ATXN1: variants seen among roughly 807,000 people sequenced by gnomAD.
ATXN1 encodes ataxin 1.
ATXN1 carries 8 observed loss-of-function variants against 56.4 expected under a neutral mutation model. That is an observed-to-expected ratio of 0.14 (90% CI 0.08 to 0.26). The LOEUF (loss-of-function observed/expected upper bound fraction) is 0.26. ATXN1 is among the 10% of genes least tolerant of loss of function. The pLI, the probability that ATXN1 is intolerant of heterozygous loss-of-function variation, is 1.00. For missense variants in ATXN1, 987 were observed against 1,106.5 expected (o/e 0.89, Z 1.53); for synonymous variants, 514 against 494.6 (o/e 1.04, Z -0.52).
At chr6:16,388,171 T>A (rs1257645922) in intron 6 of ATXN1, among the ~76,000 whole-genome samples, 3 of 152,202 alleles carry the variant, frequency 2.0e-5, no homozygotes, top group Non-Finnish European at 4.4e-5. Context: ...GACAGTCTCT[T>A]AACCAAAGAA....
chr6:16,596,001 T>C (rs1313541112), intron 3 of ATXN1, among the ~76,000 whole-genome samples: 1 of 151,660 alleles, frequency 6.6e-6, no homozygotes, highest in Non-Finnish European at 1.5e-5. Flanking sequence ...CCCGTTATTT[T>C]GTTTTTTTAT....
intron 6 of ATXN1, chr6:16,485,534 C>G (rs2113655404): frequency 6.6e-6 from 1 of 152,272 alleles, no homozygotes; most frequent in East Asian, 1.9e-4. Flanking sequence ...ATCAACTGCA[C>G]ATACAGAAGA....
intron 2 of ATXN1, among the ~76,000 whole-genome samples, chr6:16,722,610 G>A (rs760549293): frequency 1.3e-5 from 2 of 151,990 alleles, no homozygotes; most frequent in East Asian, 1.9e-4. Context: ...AGTAAATAAC[G>A]ATAATAAAAA....
Position 16,713,079 on chromosome 6 carries a change from C to T in ATXN1, c.-615+40154G>A, listed in dbSNP as rs562414473. Among the ~76,000 whole-genome samples, 95 of 152,322 alleles carry T rather than the reference C, an allele frequency of 6.2e-4. 2 individuals carry two copies. The South Asian group carries it at 0.018, about 30-fold the overall frequency. ...TAATGCCAACTCTTCCTCTCTGAGT[C>T]ATCCCTTCCAGTGAAAGAATCGCTA... On this transcript the variant is annotated intron_variant, in intron 2 of 7. Coordinates refer to ENST00000436367, the MANE Select transcript of ATXN1 (RefSeq NM_001128164.2).
intron 4 of ATXN1, among the ~76,000 whole-genome samples, chr6:16,561,056 A>G (rs562807680): frequency 6.6e-6 from 1 of 152,328 alleles, no homozygotes; most frequent in Middle Eastern, 3.4e-3. Context: ...AAACTATTGA[A>G]AAATAAAATA....
chr6:16,470,668 A>G (rs1300964559), intron 6 of ATXN1, among the ~76,000 whole-genome samples: 1 of 152,064 alleles, frequency 6.6e-6, no homozygotes, highest in Non-Finnish European at 1.5e-5. Context: ...CTGTTTGAAA[A>G]ATGACACCCA....
intron 6 of ATXN1, among the ~76,000 whole-genome samples, chr6:16,371,416 T>C (rs1231742990): frequency 6.6e-6 from 1 of 152,168 alleles, no homozygotes; most frequent in African/African-American, 2.4e-5. Context: ...TTAGGATCTT[T>C]ACAGGTTTTA....
At chr6:16,602,709 C>T (rs1762934399) in intron 3 of ATXN1, among the ~76,000 whole-genome samples, 2 of 152,166 alleles carry the variant, frequency 1.3e-5, no homozygotes, top group African/African-American at 4.8e-5. Flanking sequence ...TTCGGCCTCC[C>T]AAAGTGCTGA....
intron 2 of ATXN1, among the ~76,000 whole-genome samples, chr6:16,683,564 G>A (rs746182950): frequency 6.6e-6 from 1 of 152,156 alleles, no homozygotes; most frequent in African/African-American, 2.4e-5. Flanking sequence ...CCCTATTCTG[G>A]AGATCACATT....
intron 4 of ATXN1, among the ~76,000 whole-genome samples, chr6:16,556,660 G>A (rs1165438467): frequency 1.3e-5 from 2 of 152,140 alleles, no homozygotes; most frequent in African/African-American, 4.8e-5. Context: ...CCAAAGGCAG[G>A]CTCACTGTTA....
chr6:16,411,142 A>AAG (rs1561885759), intron 6 of ATXN1, among the ~76,000 whole-genome samples: 3 of 150,238 alleles, frequency 2.0e-5, no homozygotes, highest in Non-Finnish European at 3.0e-5. Context: ...AAAAAAAAAA[A>AAG]AAAGAAAAGA....
chr6:16,368,089 G>A lies in ATXN1; in HGVS notation c.-160-39619C>T, dbSNP rs549531089. Reference sequence around the variant, plus strand: ...GGAGCCTGAGGCAGGACAATTGCTCGAACCCAAGAGGAAGAGGTTGCAGTG... The same window carrying A: ...GGAGCCTGAGGCAGGACAATTGCTCAAACCCAAGAGGAAGAGGTTGCAGTG... On this transcript the variant is annotated intron_variant, in intron 6 of 7. Coordinates refer to ENST00000436367, the MANE Select transcript of ATXN1 (RefSeq NM_001128164.2). Among the ~76,000 whole-genome samples, 11 of 151,812 alleles carry A rather than the reference G, an allele frequency of 7.2e-5. No homozygotes were observed. In the East Asian group the frequency reaches 1.7e-3, roughly 24 times the overall value.
chr6:16,582,154 C>A (rs574315990), intron 4 of ATXN1, among the ~76,000 whole-genome samples: 1 of 152,168 alleles, frequency 6.6e-6, no homozygotes, highest in Non-Finnish European at 1.5e-5. Context: ...CTGTTCTATG[C>A]CTTCCAGATC....
intron 6 of ATXN1, among the ~76,000 whole-genome samples, chr6:16,442,840 C>T (rs1441594718): frequency 1.3e-5 from 2 of 151,948 alleles, no homozygotes; most frequent in East Asian, 1.9e-4. Context: ...GGCAAAACCC[C>T]GTCTCTACCA....
At position 16,315,649 on chromosome 6, in the gene ATXN1, C is replaced by G. The variant is rs555974343; in HGVS notation, c.1918-8790G>C. On this transcript the variant is annotated intron_variant, in intron 7 of 7. Transcript: ENST00000436367. ...GACAGTTCTATTTAAAATAACAACC[C>G]TCTAGTTTCCATAGCTTCCTTTTTT... 7.2e-5 allele frequency among the ~76,000 whole-genome samples: 11 copies of G among 152,268 alleles called. No individual in the cohort carries two copies. The South Asian group carries it at 2.1e-3, about 29-fold the overall frequency.
intron 1 of ATXN1, chr6:16,754,651 C>T (rs528951611): frequency 6.6e-6 from 1 of 152,168 alleles, no homozygotes; most frequent in African/African-American, 2.4e-5. Flanking sequence ...TCTAACTAAT[C>T]CATTCACCAA....
intron 6 of ATXN1, among the ~76,000 whole-genome samples, chr6:16,477,888 C>T (rs777819877): frequency 6.6e-5 from 10 of 152,138 alleles, no homozygotes; most frequent in African/African-American, 2.2e-4. Context: ...TAGTAAGTGA[C>T]GTTTTCCTCC....
At chr6:16,442,691 T>C (rs1759542671) in intron 6 of ATXN1, among the ~76,000 whole-genome samples, 1 of 152,142 alleles carries the variant, frequency 6.6e-6, no homozygotes, top group African/African-American at 2.4e-5. Flanking sequence ...ATAAGAAGGG[T>C]ACCATATTAA....
chr6:16,464,386 G>A (rs137930358), intron 6 of ATXN1, among the ~76,000 whole-genome samples: 276 of 152,266 alleles, frequency 1.8e-3, no homozygotes, highest in Non-Finnish European at 3.3e-3. Context: ...ATGGAACATG[G>A]GCAGGGACAA....
Sources: gnomAD v4.1 joint callset for allele counts (sites outside exome capture counted in the v4.1 genomes callset) on GRCh38, gnomAD v4.1.1 for gene constraint, MANE v1.5 for transcripts, NCBI Gene and HGNC (gene_info 2026-07-23, HGNC 2026-07-21) for gene names.